The following DYNC1H1 variants were observed in gnomAD, a reference collection of about 807,000 sequenced individuals.
The protein encoded by DYNC1H1 is cytoplasmic dynein 1 heavy chain 1.
DYNC1H1 carries 51 observed loss-of-function variants against 527.1 expected under a neutral mutation model. That is an observed-to-expected ratio of 0.10 (90% confidence interval 0.08 to 0.12). The LOEUF is 0.12. Among genes scored for constraint, DYNC1H1 ranks in the 10% least tolerant of loss-of-function variants. The pLI is 1.00. For missense variants in DYNC1H1, 2,771 were observed against 5,971.8 expected (o/e 0.46, Z 17.66); for synonymous variants, 2,189 against 2,278.8 (o/e 0.96, Z 1.12).
rs2048038937 is a variant in DYNC1H1, at chr14:101,994,763, C to T, written c.3247C>T (p.Leu1083=). 6 of 1,614,204 alleles carry T rather than the reference C, an allele frequency of 3.7e-6. No homozygotes were observed. Among genetic ancestry groups the T allele is most frequent in the Middle Eastern group, 1.6e-4 (1 of 6,062 alleles). ...AGATCTCAACAAATGGCAGGCTCTCCTGGTCCAAATAAGGAAGGCCAGAGG... is the reference window on the plus strand; with the variant it reads ...AGATCTCAACAAATGGCAGGCTCTCTTGGTCCAAATAAGGAAGGCCAGAGG... The part of the protein sequence containing the change: ...GEDLNKWQAL[L]VQIRKARGTF... Residue 1083 remains leucine (L), a synonymous_variant, in exon 13 of 78, where the codon CTG becomes TTG. Coordinates refer to ENST00000360184, the MANE Select transcript of DYNC1H1 (RefSeq NM_001376.5).
rs2048630829 is a variant in DYNC1H1, at chr14:102,040,243, A to G, written c.11698A>G (p.Thr3900Ala). 1 of 1,614,158 alleles carries G rather than the reference A, an allele frequency of 6.2e-7. No individual in the cohort carries two copies. The highest frequency in any genetic ancestry group is 8.5e-7 in the Non-Finnish European group (1 of 1,180,038). ...IKLKGTVGEP[T>A]YDAEFQHFLR... ...CTGTTGCACCCTTCGCAGGGAGCCC[A>G]CCTACGATGCAGAATTCCAGCACTT... is the stretch of plus-strand genomic sequence containing the variant. Residue 3900 changes from threonine to alanine, a missense_variant, in exon 63 of 78, where the codon ACC (threonine) becomes GCC (alanine). By Grantham distance (58) the Thr-to-Ala change is moderately conservative. Coordinates refer to ENST00000360184, the MANE Select transcript of DYNC1H1 (RefSeq NM_001376.5).
At chr14:101,999,042 T>C (rs896623082) in intron 16 of DYNC1H1, among the ~76,000 whole-genome samples, 4 of 151,854 alleles carry the variant, frequency 2.6e-5, no homozygotes, top group Non-Finnish European at 4.4e-5. Flanking sequence ...CCACCACGCC[T>C]GGCTAATTGT....
In DYNC1H1 at chr14:102,052,589, C is replaced by G. The variant is rs962192996; in HGVS notation, c.*2026C>G. 6.6e-6 allele frequency: 1 copy of G among 152,320 alleles called. No individual in the cohort carries two copies. The highest frequency in any genetic ancestry group is 6.5e-5 in the Admixed American group (1 of 15,288). The allele number at this position is 152,320 out of a possible 1,614,324, so 9.4% of individuals were successfully genotyped here. ...TTCTCAGGCTCTGCAAGGAAGAGCT[C>G]CAGCTTCCTCTTGGAGAAGGAGATT... On this transcript the variant is annotated 3_prime_UTR_variant, in exon 78 of 78. Coordinates refer to ENST00000360184, the MANE Select transcript of DYNC1H1 (RefSeq NM_001376.5).
In DYNC1H1 at chr14:102,018,420, AG is replaced by A; in HGVS notation, c.8178-27del. ...CCCTTCCTGGGAGGCGCTGTCAGGG[AG>A]GGGCGCTGAGCGGGGCTATCTGTGC... On this transcript the variant is annotated intron_variant, in intron 40 of 77. Transcript: ENST00000360184. This position sits in a 1 kb window ranked among gnomAD's most constrained non-coding sequence, Gnocchi z 5.2. The A allele has an allele frequency of 6.2e-7, 1 of 1,609,856 alleles. No individual in the cohort carries two copies.
chr14:102,026,433 A>G (rs2048451966), intron 43 of DYNC1H1, 141 bp from the exon 44 acceptor site: 3 of 928,694 alleles, frequency 3.2e-6, no homozygotes, highest in Non-Finnish European at 4.8e-6. Flanking sequence ...GTGAATTTAT[A>G]TTTTTTTGCT....
chr14:102,038,732 C>G lies in DYNC1H1; in HGVS notation c.11090C>G (p.Thr3697Ser). ...CCACCAGATCTCTGTTCCCGGGTTA[C>G]TTTTGTAAACTTCACAGTTACCCGT... is the stretch of plus-strand genomic sequence containing the variant. ...EFPPDLCSRV[T>S]FVNFTVTRSS... The change falls in exon 59 of 78, where the codon ACT (threonine) becomes AGT (serine). Residue 3697 changes from threonine to serine, a missense_variant. Thr to Ser is a moderately conservative substitution (Grantham distance 58, BLOSUM62 1). Coordinates refer to ENST00000360184, the MANE Select transcript of DYNC1H1 (RefSeq NM_001376.5). This position sits in a 1 kb window ranked among gnomAD's most constrained non-coding sequence, Gnocchi z 7.2. The G allele has an allele frequency of 6.2e-7, 1 of 1,614,192 alleles. No individual in the cohort carries two copies. The highest frequency in any genetic ancestry group is 8.5e-7 in the Non-Finnish European group (1 of 1,180,026).
rs2048268487 is a variant in DYNC1H1 at position 102,012,443 on chromosome 14, T to C, written c.6987T>C (p.Asn2329=). The C allele has an allele frequency of 6.2e-7, 1 of 1,614,060 alleles. No homozygotes were observed. Among genetic ancestry groups the C allele is most frequent in the Non-Finnish European group, 8.5e-7 (1 of 1,180,040 alleles). Residue 2329 remains asparagine, a synonymous_variant, in exon 34 of 78, where the codon AAT becomes AAC. Coordinates refer to ENST00000360184, the MANE Select transcript of DYNC1H1 (RefSeq NM_001376.5). The surrounding 1 kb of genome is among the most constrained non-coding windows in gnomAD (Gnocchi z 4.9). ...LDDNKLLTLP[N]GERLSLPPNV... Reference sequence around the variant, plus strand: ...ACAATAAGCTCCTAACTTTGCCCAATGGAGAGCGCCTCAGTCTTCCACCCA... The same window carrying C: ...ACAATAAGCTCCTAACTTTGCCCAACGGAGAGCGCCTCAGTCTTCCACCCA...
rs762641914 is a variant in DYNC1H1 at position 101,997,017 on chromosome 14, A to G, written c.3565-18A>G. On this transcript the variant is annotated intron_variant, in intron 15 of 77. Coordinates refer to ENST00000360184, the MANE Select transcript of DYNC1H1 (RefSeq NM_001376.5). The surrounding 1 kb of genome is among the most constrained non-coding windows in gnomAD (Gnocchi z 4.8). ...TGTTATAGAAGAAAAAACTTGATTT[A>G]TTTTTTAACTCTCAAAGCTCTACCG... 17 of 1,608,402 alleles carry G rather than the reference A, an allele frequency of 1.1e-5. No homozygotes were observed. The highest frequency in any genetic ancestry group is 1.4e-5 in the Non-Finnish European group (17 of 1,177,038).
rs571939858 is a variant in DYNC1H1 at position 102,047,633 on chromosome 14, G to T, written c.13007-184G>T. ...TGTATATATACACGTGTGTGTGTGT[G>T]TGTGTGTGTATATATATATATATAT... On this transcript the variant is annotated intron_variant, in intron 72 of 77. Coordinates refer to ENST00000360184, the MANE Select transcript of DYNC1H1 (RefSeq NM_001376.5). 9.0e-5 allele frequency: 36 copies of T among 398,178 alleles called. 5 individuals carry two copies. Among genetic ancestry groups the T allele is most frequent in the Non-Finnish European group, 1.3e-4 (30 of 239,788 alleles). 24.7% of individuals were successfully genotyped at this position (398,178 alleles called of 1,614,324 possible). A position where few individuals can be genotyped will look rare whatever the true frequency, so the allele number is the denominator to read the frequency against.
rs771626405 is a variant in DYNC1H1 at position 101,986,792 on chromosome 14, C to G, written c.2538+29C>G. 2.5e-6 allele frequency: 4 copies of G among 1,612,196 alleles called. No homozygotes were observed. In the African/African-American group the frequency reaches 5.3e-5, roughly 22 times the overall value. ...TGCTCTCATGTAATCCTCAGGTGTC[C>G]TGGTAACGAATGAAGCACAGTAATA... On this transcript the variant is annotated intron_variant, in intron 8 of 77. Transcript: ENST00000360184. The surrounding 1 kb of genome is among the most constrained non-coding windows in gnomAD (Gnocchi z 8.7).
chr14:102,053,706 T>A lies in DYNC1H1; in HGVS notation c.*3143T>A, dbSNP rs1466605509. ...CTCGTGATCCACCCGCCTCCCAAAGTGCTGAGATTACAGGCGTGAGCCACC... is the reference window on the plus strand; with the variant it reads ...CTCGTGATCCACCCGCCTCCCAAAGAGCTGAGATTACAGGCGTGAGCCACC... On this transcript the variant is annotated 3_prime_UTR_variant, in exon 78 of 78. Coordinates refer to ENST00000360184, the MANE Select transcript of DYNC1H1 (RefSeq NM_001376.5). 1 of 151,556 alleles carries A rather than the reference T, an allele frequency of 6.6e-6. No homozygotes were observed. Among genetic ancestry groups the A allele is most frequent in the Admixed American group, 6.6e-5 (1 of 15,146 alleles). The allele number at this position is 151,556 out of a possible 1,614,324, so 9.4% of individuals were successfully genotyped here. A position where few individuals can be genotyped will look rare whatever the true frequency, so the allele number is the denominator to read the frequency against.
chr14:102,036,150 C>A lies in DYNC1H1; in HGVS notation c.10755-339C>A. 1 of 305,296 alleles carries A rather than the reference C, an allele frequency of 3.3e-6. No homozygotes were observed. Among genetic ancestry groups the A allele is most frequent in the Non-Finnish European group, 6.4e-6 (1 of 155,772 alleles). 18.9% of individuals were successfully genotyped at this position (305,296 alleles called of 1,614,324 possible). A position where few individuals can be genotyped will look rare whatever the true frequency, so the allele number is the denominator to read the frequency against. ...TGCTGCGACATCATTGATGTTGATACGTGCTGTCTAGAAGGATCGTAAACA... is the reference window on the plus strand; with the variant it reads ...TGCTGCGACATCATTGATGTTGATAAGTGCTGTCTAGAAGGATCGTAAACA... On this transcript the variant is annotated intron_variant, in intron 56 of 77. Coordinates refer to ENST00000360184, the MANE Select transcript of DYNC1H1 (RefSeq NM_001376.5). The surrounding 1 kb of genome is among the most constrained non-coding windows in gnomAD (Gnocchi z 5.6).
intron 56 of DYNC1H1, chr14:102,035,058 A>G (rs557830276): frequency 5.7e-5 from 9 of 158,792 alleles, no homozygotes; most frequent in Admixed American, 3.0e-4. Flanking sequence ...GTGAAACCCT[A>G]TATCTATTAA....
At chr14:102,007,550 G>A (rs1018085351) in intron 28 of DYNC1H1, among the ~76,000 whole-genome samples, 7 of 152,158 alleles carry the variant, frequency 4.6e-5, no homozygotes, top group African/African-American at 1.4e-4. Context: ...TGAAGTAACT[G>A]CTGTGTGTAG....
intron 41 of DYNC1H1, among the ~76,000 whole-genome samples, chr14:102,019,314 T>C (rs2048359284): frequency 6.6e-6 from 1 of 152,240 alleles, no homozygotes. Context: ...CGTTGCTATT[T>C]GCATTTCTCT....
At position 102,016,225 on chromosome 14, in the gene DYNC1H1, T is replaced by TG. The variant is rs1427844622; in HGVS notation, c.7474-123dup. On this transcript the variant is annotated intron_variant, in intron 36 of 77. Coordinates refer to ENST00000360184, the MANE Select transcript of DYNC1H1 (RefSeq NM_001376.5). This position sits in a 1 kb window ranked among gnomAD's most constrained non-coding sequence, Gnocchi z 7.3. The stretch of plus-strand genomic sequence containing the variant: ...GCCTTCGTTGAGGGGCTAGGAAAGG[T>TG]GCAGTGGGTGTCTGTGATGCAAGAA... 1 of 1,500,672 alleles carries TG rather than the reference T, an allele frequency of 6.7e-7. No individual in the cohort carries two copies. Among genetic ancestry groups the TG allele is most frequent in the Admixed American group, 1.9e-5 (1 of 51,420 alleles). The allele number at this position is 1,500,672 out of a possible 1,614,324, so 93.0% of individuals were successfully genotyped here.
At position 102,008,489 on chromosome 14, in the gene DYNC1H1, G is replaced by A. The variant is rs535140302; in HGVS notation, c.5977+152G>A. On this transcript the variant is annotated intron_variant, in intron 29 of 77. Transcript: ENST00000360184. Reference sequence around the variant, plus strand: ...AGTGTAGTGAGCTGTGGTTAAAGACGGAAGGTAAGAAACCCAGGCCAGGCG... The same window carrying A: ...AGTGTAGTGAGCTGTGGTTAAAGACAGAAGGTAAGAAACCCAGGCCAGGCG... 183 of 1,172,576 alleles carry A rather than the reference G, an allele frequency of 1.6e-4. 1 individual carries two copies. Among genetic ancestry groups the A allele is most frequent in the African/African-American group, 8.7e-4 (57 of 65,704 alleles). 72.6% of individuals were successfully genotyped at this position (1,172,576 alleles called of 1,614,324 possible). A position where few individuals can be genotyped will look rare whatever the true frequency, so the allele number is the denominator to read the frequency against.
At chr14:101,970,473 GT>G (rs958653217) in intron 1 of DYNC1H1, among the ~76,000 whole-genome samples, 311 of 81,432 alleles carry the variant, frequency 3.8e-3, no homozygotes, top group East Asian at 0.037. Context: ...GTTTGTTGTT[GT>G]TTTTTTTTTT....
rs1329418367 is a variant in DYNC1H1 at position 101,995,176 on chromosome 14, A to T, written c.3445-5A>T. ...GTGATGAAATACTCCCCTCTCTCTG[A>T]ACAGTCCCGCCAAGAGTTGGAGCAG... On this transcript the variant is annotated splice_region_variant and splice_polypyrimidine_tract_variant and intron_variant, in intron 14 of 77. Transcript: ENST00000360184. 1.1e-5 allele frequency: 17 copies of T among 1,614,232 alleles called. No individual in the cohort carries two copies. The highest frequency in any genetic ancestry group is 1.4e-5 in the Non-Finnish European group (17 of 1,180,040).
Sources: allele counts gnomAD v4.1 joint callset (sites outside exome capture counted in the v4.1 genomes callset), GRCh38; gene constraint gnomAD v4.1.1; non-coding constraint Gnocchi (gnomAD v3.1); transcripts MANE v1.5; gene names NCBI Gene and HGNC (gene_info 2026-07-23, HGNC 2026-07-21).